CLPS: variants seen among roughly 807,000 people sequenced by gnomAD.
CLPS encodes colipase, pancreatic.
In CLPS, 8 loss-of-function variants were observed where a neutral mutation model predicts 9.3. The observed-to-expected ratio is 0.86, with a 90% CI of 0.51 to 1.56. The LOEUF (loss-of-function observed/expected upper bound fraction) is 1.56. CLPS is among the 40% of genes most tolerant of loss of function. The pLI, the probability that CLPS is intolerant of heterozygous loss-of-function variation, is 0.00. For synonymous variants in CLPS, 61 were observed against 56.2 expected (o/e 1.09, Z -0.39); for missense variants, 144 against 145.7 (o/e 0.99, Z 0.06).
chr6:35,795,260 G>T lies in CLPS; in HGVS notation c.225C>A (p.Tyr75Ter), dbSNP rs779118221. The stretch of plus-strand genomic sequence containing the variant: ...GGCCACGCTCACAGGGACACTTGTA[G>T]TAAATCCCATAGAGCGTCTGCAGAG... ...ECSVKTLYGI[Y>*]YKCPCERGLT... The change falls in exon 3 of 3, where the codon TAC (tyrosine) becomes TAA (stop). Residue 75 changes from tyrosine (Y) to a stop codon, truncating the protein, a stop_gained. Transcript: ENST00000259938. LOFTEE classifies it high-confidence loss of function. 10 of 1,614,018 alleles carry T rather than the reference G, an allele frequency of 6.2e-6. No individual in the cohort carries two copies. The highest frequency in any genetic ancestry group is 1.7e-5 in the Admixed American group (1 of 59,988).
chr6:35,795,416 C>T (rs923153522), intron 2 of CLPS, 139 bp from the exon 3 acceptor site: 22 of 1,331,582 alleles, frequency 1.7e-5, no homozygotes, highest in African/African-American at 8.8e-5. Context: ...CCAGGGGTGC[C>T]GTGGGCCCTG....
rs202134305 is a variant in CLPS, at chr6:35,795,897, C to A, written c.85-44G>T. ...CAGCCCAGGCCCCACTCCCTCAGGT[C>A]CCTTCTCCATTCAGACCTGTACCCA... On this transcript the variant is annotated intron_variant, in intron 1 of 2. Coordinates refer to ENST00000259938, the MANE Select transcript of CLPS (RefSeq NM_001832.4). 1,609 of 1,608,080 alleles carry A rather than the reference C, an allele frequency of 1.0e-3. 20 individuals carry two copies. The African/African-American group carries it at 0.019, about 19-fold the overall frequency.
chr6:35,796,853 G>C (rs1454349345), intron 1 of CLPS: 4 of 464,060 alleles, frequency 8.6e-6, no homozygotes, highest in African/African-American at 7.9e-5. Flanking sequence ...AGAATCATTT[G>C]AACCCGGGAA....
chr6:35,797,085 G>T, intron 1 of CLPS, 120 bp downstream of exon 1: 1 of 902,738 alleles, frequency 1.1e-6, no homozygotes, highest in Non-Finnish European at 1.7e-6. Context: ...ACAGAGGGAT[G>T]CAAGATGCCA....
At position 35,795,269 on chromosome 6, in the gene CLPS, A is replaced by G. The variant is rs149878789; in HGVS notation, c.216T>C (p.Tyr72=). Residue 72 remains tyrosine (Y), a synonymous_variant, in exon 3 of 3, where the codon TAT becomes TAC. Transcript: ENST00000259938. ...ENSECSVKTL[Y]GIYYKCPCER... ...CACAGGGACACTTGTAGTAAATCCC[A>G]TAGAGCGTCTGCAGAGACACAGCCA... The G allele has an allele frequency of 6.8e-5, 109 of 1,613,894 alleles. No individual in the cohort carries two copies. The highest frequency in any genetic ancestry group is 9.0e-5 in the Non-Finnish European group (106 of 1,179,904).
chr6:35,795,246 C>T lies in CLPS; in HGVS notation c.239G>A (p.Cys80Tyr), dbSNP rs1768328138. ...TLYGIYYKCP[C>Y]ERGLTCEGDK... Reference sequence around the variant, plus strand: ...TCCCTCACAGGTCAGGCCACGCTCACAGGGACACTTGTAGTAAATCCCATA... The same window carrying T: ...TCCCTCACAGGTCAGGCCACGCTCATAGGGACACTTGTAGTAAATCCCATA... Residue 80 changes from cysteine to tyrosine, a missense_variant, in exon 3 of 3, where the codon TGT (cysteine) becomes TAT (tyrosine). Transcript: ENST00000259938. 1 of 1,614,214 alleles carries T rather than the reference C, an allele frequency of 6.2e-7. No individual in the cohort carries two copies. The highest frequency in any genetic ancestry group is 8.5e-7 in the Non-Finnish European group (1 of 1,180,022).
intron 1 of CLPS, 68 bp from the exon 2 acceptor site, chr6:35,795,921 C>T: frequency 1.3e-6 from 2 of 1,593,188 alleles, no homozygotes; most frequent in South Asian, 1.1e-5. Flanking sequence ...GACCTGTACC[C>T]ACCACACACT....
chr6:35,796,310 C>T (rs370550499), intron 1 of CLPS, among the ~76,000 whole-genome samples: 4 of 152,402 alleles, frequency 2.6e-5, no homozygotes, highest in African/African-American at 7.2e-5. Flanking sequence ...ACCTCCAAGT[C>T]CAGCCATGGC....
At chr6:35,796,152 A>T (rs978280610) in intron 1 of CLPS, among the ~76,000 whole-genome samples, 3 of 152,230 alleles carry the variant, frequency 2.0e-5, no homozygotes, top group Non-Finnish European at 4.4e-5. Flanking sequence ...CAGTGTTCCC[A>T]TTTGGAATGT....
Position 35,795,205 on chromosome 6 carries a change from C to T in CLPS, c.280G>A (p.Gly94Ser). 1.2e-6 allele frequency: 2 copies of T among 1,614,224 alleles called. No homozygotes were observed. The highest frequency in any genetic ancestry group is 3.3e-4 in the Middle Eastern group (2 of 6,056). Residue 94 changes from glycine (G) to serine (S), a missense_variant, in exon 3 of 3, where the codon GGC becomes AGC. Transcript: ENST00000259938. ...LTCEGDKTIV[G>S]SITNTNFGIC... The stretch of plus-strand genomic sequence containing the variant: ...CCAAAGTTGGTGTTGGTGATGGAGC[C>T]CACGATGGTCTTGTCTCCCTCACAG...
intron 1 of CLPS, among the ~76,000 whole-genome samples, chr6:35,796,164 CA>C (rs1422116130): frequency 6.6e-6 from 1 of 152,272 alleles, no homozygotes; most frequent in Non-Finnish European, 1.5e-5. Flanking sequence ...TTGGAATGTG[CA>C]CACAAGGCCC....
At position 35,795,104 on chromosome 6, in the gene CLPS, C is replaced by A; in HGVS notation, c.*42G>T. 6.2e-7 allele frequency: 1 copy of A among 1,605,792 alleles called. No individual in the cohort carries two copies. ...GGAGAGATGCCCCTGCGCCTAGTGG[C>A]CTACAGCATTCTGGGCTAGGTGTGG... is the stretch of plus-strand genomic sequence containing the variant. On this transcript the variant is annotated 3_prime_UTR_variant, in exon 3 of 3. Transcript: ENST00000259938.
rs762873369 is a variant in CLPS, at chr6:35,795,218, G to T, written c.267C>A (p.Asp89Glu). The T allele has an allele frequency of 1.2e-6, 2 of 1,614,252 alleles. No homozygotes were observed. Among genetic ancestry groups the T allele is most frequent in the South Asian group, 1.1e-5 (1 of 91,090 alleles). Residue 89 changes from aspartate (D) to glutamate (E), a missense_variant, in exon 3 of 3, where the codon GAC becomes GAA. By Grantham distance (45) the Asp-to-Glu change is conservative. Transcript: ENST00000259938. ...PCERGLTCEGDKTIVGSITNT... is the reference protein window; with the variant it reads ...PCERGLTCEGEKTIVGSITNT... ...TGGTGATGGAGCCCACGATGGTCTT[G>T]TCTCCCTCACAGGTCAGGCCACGCT...
intron 1 of CLPS, chr6:35,796,883 G>A (rs2766596): frequency 0.016 from 7,387 of 463,052 alleles, 77 homozygotes; most frequent in African/African-American, 0.12. Flanking sequence ...GCAGTGAGCC[G>A]AGATTGTGCC....
At chr6:35,795,331 A>C (rs1768330458) in intron 2 of CLPS, 54 bp from the exon 3 acceptor site, 1 of 1,589,502 alleles carries the variant, frequency 6.3e-7, no homozygotes, top group African/African-American at 1.3e-5. Context: ...TTTGGACATC[A>C]CTTGTCCCCT....
intron 1 of CLPS, 92 bp from the exon 2 acceptor site, chr6:35,795,945 T>A: frequency 6.4e-7 from 1 of 1,562,202 alleles, no homozygotes. Context: ...ACTAACAGTG[T>A]CTCCCCTGGT....
rs1223621708 is a variant in CLPS at position 35,795,157 on chromosome 6, A to G, written c.328T>C (p.Ser110Pro). ...NFGICHDAGRSKQ is the reference protein window; with the variant it reads ...NFGICHDAGRPKQ ...GTGGGTGGGCAGTCTCACTGCTTGG[A>G]GCGTCCAGCGTCATGGCAGATGCCA... Residue 110 changes from serine to proline, a missense_variant, in exon 3 of 3, where the codon TCC becomes CCC. Physicochemically the swap from Ser to Pro is moderately conservative, Grantham distance 74. Transcript: ENST00000259938. 1 of 1,613,756 alleles carries G rather than the reference A, an allele frequency of 6.2e-7. No homozygotes were observed. The highest frequency in any genetic ancestry group is 8.5e-7 in the Non-Finnish European group (1 of 1,179,874).
chr6:35,797,122 TG>T, intron 1 of CLPS, 82 bp downstream of exon 1: 2 of 1,276,688 alleles, frequency 1.6e-6, no homozygotes, highest in African/African-American at 1.5e-5. Flanking sequence ...CCAGTCCAGG[TG>T]GAGACATCAG....
intron 1 of CLPS, 98 bp from the exon 2 acceptor site, chr6:35,795,951 C>T (rs1042675741): frequency 3.2e-6 from 5 of 1,554,504 alleles, no homozygotes; most frequent in Non-Finnish European, 4.4e-6. Context: ...AGTGTCTCCC[C>T]TGGTAGGGAT....
Sources: allele counts gnomAD v4.1 joint callset (sites outside exome capture counted in the v4.1 genomes callset), GRCh38; gene constraint gnomAD v4.1.1; transcripts MANE v1.5; gene names NCBI Gene and HGNC (gene_info 2026-07-23, HGNC 2026-07-21).